The following DNM2 variants were observed in gnomAD, a reference collection of about 807,000 sequenced individuals.
The protein encoded by DNM2 is dynamin-2.
DNM2 carries 15 observed loss-of-function variants against 99.0 expected under a neutral mutation model. That is an observed-to-expected ratio of 0.15 (90% confidence interval 0.10 to 0.23). The LOEUF (loss-of-function observed/expected upper bound fraction) is 0.23. Ranked by LOEUF, DNM2 falls within the 10% of genes least tolerant of loss-of-function variation. The pLI is 1.00. For missense variants in DNM2, 742 were observed against 1,189.4 expected (o/e 0.62, Z 5.53); for synonymous variants, 525 against 481.2 (o/e 1.09, Z -1.19).
At chr19:10,821,176 G>C (rs2072956913) in intron 16 of DNM2, among the ~76,000 whole-genome samples, 1 of 151,986 alleles carries the variant, frequency 6.6e-6, no homozygotes, top group South Asian at 2.1e-4. Flanking sequence ...CCTAAAGCTC[G>C]AGACCCATTT....
intron 2 of DNM2, among the ~76,000 whole-genome samples, chr19:10,760,116 C>G (rs984711468): frequency 2.6e-5 from 4 of 152,048 alleles, no homozygotes; most frequent in African/African-American, 9.7e-5. Flanking sequence ...TCACTGCAAC[C>G]TCCACCTCCC....
intron 1 of DNM2, among the ~76,000 whole-genome samples, chr19:10,733,378 A>T (rs1406012288): frequency 6.6e-6 from 1 of 150,858 alleles, no homozygotes; most frequent in Non-Finnish European, 1.5e-5. Flanking sequence ...TTTTCGGTAG[A>T]GACAGGGTTT....
intron 1 of DNM2, among the ~76,000 whole-genome samples, chr19:10,721,703 C>T (rs1599410506): frequency 6.6e-6 from 1 of 152,252 alleles, no homozygotes; most frequent in Admixed American, 6.5e-5. Context: ...GCCATTGCGC[C>T]GAGCCTGGAT....
At chr19:10,819,323 C>T (rs1325069129) in intron 15 of DNM2, among the ~76,000 whole-genome samples, 1 of 152,116 alleles carries the variant, frequency 6.6e-6, no homozygotes, top group African/African-American at 2.4e-5. Context: ...CCTATCCAGC[C>T]CCAAGATGTC....
chr19:10,730,021 C>T (rs2069256806), intron 1 of DNM2, among the ~76,000 whole-genome samples: 1 of 152,104 alleles, frequency 6.6e-6, no homozygotes, highest in Admixed American at 6.6e-5. Context: ...TGCCACCACG[C>T]CCAACTAATG....
chr19:10,771,761 C>A (rs2070988888), intron 2 of DNM2, among the ~76,000 whole-genome samples: 1 of 152,218 alleles, frequency 6.6e-6, no homozygotes, highest in Non-Finnish European at 1.5e-5. Context: ...TTCTGTTCAT[C>A]AGTCAATCAA....
At chr19:10,797,342 G>T in intron 9 of DNM2, 38 bp from the exon 10 acceptor site, 1 of 1,609,560 alleles carries the variant, frequency 6.2e-7, no homozygotes, top group Non-Finnish European at 8.5e-7. Context: ...CTGTCCCTGG[G>T]TGTCTTTCTG....
chr19:10,811,755 T>C lies in DNM2; in HGVS notation c.1558-509T>C, dbSNP rs2072553324. 3.9e-6 allele frequency: 2 copies of C among 518,564 alleles called. No individual in the cohort carries two copies. The highest frequency in any genetic ancestry group is 7.7e-6 in the Non-Finnish European group (2 of 259,808). The allele number at this position is 518,564 out of a possible 1,614,324, so 32.1% of individuals were successfully genotyped here. ...TCCCCATCCATGGGGTCTCCCAGCCTGAAACCCTGATGTGTCAGTCAAAAG... is the reference window on the plus strand; with the variant it reads ...TCCCCATCCATGGGGTCTCCCAGCCCGAAACCCTGATGTGTCAGTCAAAAG... On this transcript the variant is annotated intron_variant, in intron 14 of 20. Transcript: ENST00000389253. The surrounding 1 kb of genome is among the most constrained non-coding windows in gnomAD (Gnocchi z 5.4).
In DNM2 at chr19:10,786,587, G is replaced by A. The variant is rs2071567711; in HGVS notation, c.873G>A (p.Glu291=). The A allele has an allele frequency of 1.2e-6, 2 of 1,614,188 alleles. No individual in the cohort carries two copies. Among genetic ancestry groups the A allele is most frequent in the East Asian group, 2.2e-5 (1 of 44,878 alleles). ...AGCAACTGACCAACCACATCCGGGA[G>A]TCGCTGCCGGCCCTACGTAGCAAAC... ...LNQQLTNHIR[E]SLPALRSKLQ... The change falls in exon 7 of 21, where the codon GAG becomes GAA. Residue 291 remains glutamate, a synonymous_variant. Coordinates refer to ENST00000389253, the MANE Select transcript of DNM2 (RefSeq NM_001005361.3).
Position 10,828,900 on chromosome 19 carries a change from G to C in DNM2, c.2059-136G>C, listed in dbSNP as rs8109524. 3,280 of 881,876 alleles carry C rather than the reference G, an allele frequency of 3.7e-3. 64 individuals are homozygous for C. The African/African-American group carries it at 0.047, about 13-fold the overall frequency. The allele number at this position is 881,876 out of a possible 1,614,324, so 54.6% of individuals were successfully genotyped here. On this transcript the variant is annotated intron_variant, in intron 18 of 20. Coordinates refer to ENST00000389253, the MANE Select transcript of DNM2 (RefSeq NM_001005361.3). The stretch of plus-strand genomic sequence containing the variant: ...AAATTGAGCCACTGTACTCCAGCCT[G>C]GGTGACAGAGCAAGACTCTTTTTCA...
chr19:10,746,860 T>C (rs76821234), intron 1 of DNM2, among the ~76,000 whole-genome samples: 15,274 of 148,940 alleles, frequency 0.1, 1,195 homozygotes, highest in East Asian at 0.38. Flanking sequence ...CCTCAGCCTC[T>C]CGAGTAGCTG....
intron 1 of DNM2, among the ~76,000 whole-genome samples, chr19:10,724,956 C>G (rs986705550): frequency 2.0e-5 from 3 of 152,236 alleles, no homozygotes; most frequent in Non-Finnish European, 4.4e-5. Flanking sequence ...GGGGGCACTG[C>G]CTGTGCCTCA....
At chr19:10,720,014 G>A (rs1194976149) in intron 1 of DNM2, among the ~76,000 whole-genome samples, 3 of 151,174 alleles carry the variant, frequency 2.0e-5, no homozygotes, top group African/African-American at 4.9e-5. Flanking sequence ...GCTGGGCCTG[G>A]CCTGATCTCA....
At chr19:10,742,886 C>T (rs1366918268) in intron 1 of DNM2, among the ~76,000 whole-genome samples, 1 of 151,854 alleles carries the variant, frequency 6.6e-6, no homozygotes, top group Non-Finnish European at 1.5e-5. Context: ...TGTGCAGTGC[C>T]CTGGAGATGC....
chr19:10,819,620 T>C (rs796981158), intron 15 of DNM2, among the ~76,000 whole-genome samples: 5 of 152,112 alleles, frequency 3.3e-5, no homozygotes, highest in African/African-American at 1.2e-4. Context: ...GGCACCTAGG[T>C]CAACAAGCGC....
At chr19:10,827,080 T>C (rs933597647) in intron 18 of DNM2, among the ~76,000 whole-genome samples, 21 of 152,006 alleles carry the variant, frequency 1.4e-4, no homozygotes, top group African/African-American at 1.9e-4. Context: ...TGAGACCCCA[T>C]CCCTATTTAA....
At chr19:10,794,893 C>A (rs944632179) in intron 8 of DNM2, among the ~76,000 whole-genome samples, 2 of 152,100 alleles carry the variant, frequency 1.3e-5, no homozygotes, top group Non-Finnish European at 2.9e-5. Context: ...CTTTCTGAAA[C>A]TGGGTTTTAA....
intron 1 of DNM2, among the ~76,000 whole-genome samples, chr19:10,729,146 C>CA (rs2069209272): frequency 7.0e-5 from 6 of 85,256 alleles, no homozygotes; most frequent in Admixed American, 3.7e-4. Context: ...GCCTGGGCGA[C>CA]AGAGCGAGAC....
chr19:10,739,774 T>C (rs377051739), intron 1 of DNM2, among the ~76,000 whole-genome samples: 2 of 150,344 alleles, frequency 1.3e-5, no homozygotes, highest in African/African-American at 4.9e-5. Context: ...CGAGAATCTC[T>C]TGAACCTGGG....
Sources: allele counts gnomAD v4.1 joint callset (sites outside exome capture counted in the v4.1 genomes callset), GRCh38; gene constraint gnomAD v4.1.1; non-coding constraint Gnocchi (gnomAD v3.1); transcripts MANE v1.5; gene names NCBI Gene and HGNC (gene_info 2026-07-23, HGNC 2026-07-21).